Variants in SFSWAP observed in about 807,000 individuals in gnomAD.
The protein encoded by SFSWAP is splicing factor, suppressor of white-apricot homolog.
SFSWAP carries 17 observed loss-of-function variants against 100.7 expected under a neutral mutation model. The ratio of observed to expected loss-of-function variants is 0.17; its 90% CI spans 0.12 to 0.25. The LOEUF is 0.25. SFSWAP is among the 10% of genes least tolerant of loss of function. The pLI is 1.00. For synonymous variants in SFSWAP, 504 were observed against 510.1 expected (o/e 0.99, Z 0.16); for missense variants, 1,005 against 1,262.6 (o/e 0.80, Z 3.09).
intron 13 of SFSWAP, among the ~76,000 whole-genome samples, chr12:131,777,317 G>A (rs1884105165): frequency 6.6e-6 from 1 of 151,888 alleles, no homozygotes; most frequent in Non-Finnish European, 1.5e-5. Context: ...AACAGGCCCC[G>A]GTGTGTGATG....
intron 7 of SFSWAP, among the ~76,000 whole-genome samples, chr12:131,736,747 G>A (rs1334185236): frequency 1.3e-5 from 2 of 152,156 alleles, no homozygotes; most frequent in East Asian, 3.8e-4. Flanking sequence ...GAGATTTCTA[G>A]GCTGTTGGAA....
chr12:131,775,894 A>T (rs1046921536), intron 13 of SFSWAP, among the ~76,000 whole-genome samples: 2 of 151,684 alleles, frequency 1.3e-5, no homozygotes, highest in African/African-American at 4.8e-5. Context: ...GTTTGAGACC[A>T]GCCTGGCCAA....
At chr12:131,753,078 G>A (rs1593149279) in intron 7 of SFSWAP, 45 bp from the exon 8 acceptor site, 1 of 1,607,544 alleles carries the variant, frequency 6.2e-7, no homozygotes, top group South Asian at 1.1e-5. Context: ...TCATGGACCA[G>A]CCTGTGGCCG....
chr12:131,779,767 TTTAC>T lies in SFSWAP; in HGVS notation c.2408+1441_2408+1444del, dbSNP rs550059543. ...TCCTAAAAACAATATGCTTGCTTTCTTTACTTATTTATTTATTTATTCATTTATT... is the reference window on the plus strand; with the variant it reads ...TCCTAAAAACAATATGCTTGCTTTCTTTATTTATTTATTTATTCATTTATT... On this transcript the variant is annotated intron_variant, in intron 14 of 17. Coordinates refer to ENST00000261674, the MANE Select transcript of SFSWAP (RefSeq NM_004592.4). Among the ~76,000 whole-genome samples the T allele has an allele frequency of 6.6e-4, 101 of 152,360 alleles. 2 individuals carry two copies. In the South Asian group the frequency reaches 0.018, roughly 27 times the overall value.
chr12:131,789,506 C>G (rs1018737798), intron 15 of SFSWAP, among the ~76,000 whole-genome samples: 4 of 152,156 alleles, frequency 2.6e-5, no homozygotes, highest in Non-Finnish European at 5.9e-5. Flanking sequence ...CTGCACCCCC[C>G]ACCTGGGTAA....
At chr12:131,751,217 A>G (rs1223701814) in intron 7 of SFSWAP, among the ~76,000 whole-genome samples, 1 of 152,262 alleles carries the variant, frequency 6.6e-6, no homozygotes, top group Non-Finnish European at 1.5e-5. Context: ...CAGTTACATA[A>G]AGAATGCAGG....
At chr12:131,717,068 G>C (rs1028774201) in intron 3 of SFSWAP, among the ~76,000 whole-genome samples, 1 of 152,038 alleles carries the variant, frequency 6.6e-6, no homozygotes, top group Non-Finnish European at 1.5e-5. Context: ...TTGACATTTC[G>C]TGTTTAACTT....
chr12:131,798,270 C>T (rs1450382267), intron 16 of SFSWAP, among the ~76,000 whole-genome samples: 1 of 152,126 alleles, frequency 6.6e-6, no homozygotes, highest in African/African-American at 2.4e-5. Context: ...CACCACTGCA[C>T]ATCAGCCTGG....
intron 17 of SFSWAP, 39 bp downstream of exon 17, chr12:131,799,148 T>C (rs754342413): frequency 1.3e-6 from 2 of 1,484,190 alleles, no homozygotes; most frequent in Non-Finnish European, 9.4e-7. Context: ...CAGCCTTTCA[T>C]CAAGGGGCCT....
chr12:131,759,848 G>A (rs971485260), intron 11 of SFSWAP, among the ~76,000 whole-genome samples: 23 of 151,894 alleles, frequency 1.5e-4, no homozygotes, highest in Non-Finnish European at 2.9e-5. Flanking sequence ...TGATGAGCAA[G>A]TAGGATTGTT....
chr12:131,720,066 C>G (rs1354583959), intron 4 of SFSWAP, among the ~76,000 whole-genome samples: 1 of 152,214 alleles, frequency 6.6e-6, no homozygotes, highest in Non-Finnish European at 1.5e-5. Context: ...TTTTCCTCAT[C>G]TGAGGGCTTT....
intron 3 of SFSWAP, among the ~76,000 whole-genome samples, chr12:131,716,716 TGAA>T (rs1472311622): frequency 6.6e-6 from 1 of 152,220 alleles, no homozygotes; most frequent in African/African-American, 2.4e-5. Context: ...GCAACAGAGT[TGAA>T]GAAATGAAAC....
intron 11 of SFSWAP, among the ~76,000 whole-genome samples, chr12:131,760,205 G>T (rs957597710): frequency 6.6e-6 from 1 of 152,216 alleles, no homozygotes; most frequent in Admixed American, 6.5e-5. Flanking sequence ...CATAGGGAAA[G>T]ATTGGTAGGT....
At chr12:131,776,291 C>T (rs1380979065) in intron 13 of SFSWAP, among the ~76,000 whole-genome samples, 1 of 152,090 alleles carries the variant, frequency 6.6e-6, no homozygotes, top group African/African-American at 2.4e-5. Context: ...GCCATCAGAT[C>T]CCAAGGAGGA....
chr12:131,767,365 T>C (rs1883199894), intron 13 of SFSWAP, among the ~76,000 whole-genome samples: 1 of 152,294 alleles, frequency 6.6e-6, no homozygotes, highest in Non-Finnish European at 1.5e-5. Context: ...TGTCTCTGAA[T>C]TTTATTTTGT....
intron 15 of SFSWAP, among the ~76,000 whole-genome samples, chr12:131,790,301 G>T (rs1346615564): frequency 6.6e-6 from 1 of 152,032 alleles, no homozygotes; most frequent in African/African-American, 2.4e-5. Context: ...GCATTCTTGC[G>T]TTTGGTACAA....
At chr12:131,742,340 A>G (rs951352380) in intron 7 of SFSWAP, among the ~76,000 whole-genome samples, 1 of 152,156 alleles carries the variant, frequency 6.6e-6, no homozygotes, top group Non-Finnish European at 1.5e-5. Flanking sequence ...TCAAAACCTC[A>G]GTACAGCATT....
chr12:131,712,820 A>G (rs1258246328), intron 1 of SFSWAP: 1 of 152,132 alleles, frequency 6.6e-6, no homozygotes. Flanking sequence ...TGTGTTATTT[A>G]TCATTAAAGT....
At position 131,778,018 on chromosome 12, in the gene SFSWAP, A is replaced by C; in HGVS notation, c.2143-47A>C. ...GAAATTTTATAGATATACATCTTCA[A>C]TGTTCTGTTTTCCCTGTTAACACCC... On this transcript the variant is annotated intron_variant, in intron 13 of 17. Transcript: ENST00000261674. This position sits in a 1 kb window ranked among gnomAD's most constrained non-coding sequence, Gnocchi z 4.2. 8.3e-6 allele frequency: 13 copies of C among 1,573,962 alleles called. No individual in the cohort carries two copies. The highest frequency in any genetic ancestry group is 1.1e-5 in the Non-Finnish European group (13 of 1,166,394).
Sources: allele counts gnomAD v4.1 joint callset (sites outside exome capture counted in the v4.1 genomes callset), GRCh38; gene constraint gnomAD v4.1.1; non-coding constraint Gnocchi (gnomAD v3.1); transcripts MANE v1.5; gene names NCBI Gene and HGNC (gene_info 2026-07-23, HGNC 2026-07-21).